Variants in ADAMTS9 observed in about 807,000 individuals in gnomAD.
ADAMTS9 encodes A disintegrin and metalloproteinase with thrombospondin motifs 9.
A neutral mutation model predicts 257.1 loss-of-function variants in ADAMTS9; 107 were observed. That is an observed-to-expected ratio of 0.42 (90% CI 0.36 to 0.49). The LOEUF (loss-of-function observed/expected upper bound fraction) is 0.49. Among genes scored for constraint, ADAMTS9 ranks in the 20% least tolerant of loss-of-function variants. The pLI is 0.03. For missense variants in ADAMTS9, 2,353 were observed against 2,469.1 expected, an observed-to-expected ratio of 0.95 and a Z score of 1.00; for synonymous variants, 982 against 880.9, an observed-to-expected ratio of 1.11 and a Z score of -2.03.
At chr3:64,571,620 A>G (rs1417308479) in intron 28 of ADAMTS9, among the ~76,000 whole-genome samples, 1 of 152,222 alleles carries the variant, frequency 6.6e-6, no homozygotes, top group African/African-American at 2.4e-5. Flanking sequence ...TGACTTGGAA[A>G]AAACAATGCA....
At chr3:64,682,072 T>C (rs1040727293) in intron 2 of ADAMTS9, among the ~76,000 whole-genome samples, 104 of 152,244 alleles carry the variant, frequency 6.8e-4, no homozygotes, top group African/African-American at 2.4e-3. Context: ...CATGATCCTC[T>C]CACCAACCCT....
chr3:64,522,323 C>CT (rs1168187923), intron 38 of ADAMTS9, 63 bp from the exon 39 acceptor site: 1 of 1,473,634 alleles, frequency 6.8e-7, no homozygotes, highest in Non-Finnish European at 9.5e-7. Flanking sequence ...CCTGCACTGG[C>CT]TTTTTGGGAA....
At chr3:64,615,232 T>G in intron 21 of ADAMTS9, 89 bp downstream of exon 21, 1 of 1,431,546 alleles carries the variant, frequency 7.0e-7, no homozygotes, top group Non-Finnish European at 9.5e-7. Context: ...GGGAGAAAGG[T>G]GCACAAGGGT....
intron 12 of ADAMTS9, 27 bp from the exon 13 acceptor site, chr3:64,633,906 C>T (rs1700432861): frequency 6.3e-7 from 1 of 1,583,206 alleles, no homozygotes; most frequent in Non-Finnish European, 8.6e-7. Context: ...GTGAAGAGCA[C>T]ACACACTGTA....
At position 64,643,445 on chromosome 3, in the gene ADAMTS9, A is replaced by ATTTTTTTTTTTTTTTTT. The variant is rs57471985; in HGVS notation, c.1711-1469_1711-1453dup. ...GTAGTCAACATAACATTACTCAATAATTTTTTTTTTTTTTTTTTTTTTTTT... is the reference window on the plus strand; with the variant it reads ...GTAGTCAACATAACATTACTCAATAATTTTTTTTTTTTTTTTTTTTTTTTTTTTTTTTTTTTTTTTTT... On this transcript the variant is annotated intron_variant, in intron 11 of 39. Transcript: ENST00000498707. 1.3e-3 allele frequency among the ~76,000 whole-genome samples: 78 copies of ATTTTTTTTTTTTTTTTT among 61,410 alleles called. 15 individuals carry two copies. Among genetic ancestry groups the ATTTTTTTTTTTTTTTTT allele is most frequent in the South Asian group, 2.1e-3 (3 of 1,452 alleles). The allele number at this position is 61,410 out of a possible 152,430, so 40.3% of individuals were successfully genotyped here.
chr3:64,653,703 T>A (rs555636609), intron 8 of ADAMTS9, among the ~76,000 whole-genome samples: 4 of 152,176 alleles, frequency 2.6e-5, no homozygotes, highest in African/African-American at 9.6e-5. Context: ...AGATCAAAAC[T>A]CAGAATAATT....
chr3:64,563,476 C>T (rs966294502), intron 29 of ADAMTS9, among the ~76,000 whole-genome samples: 2 of 140,574 alleles, frequency 1.4e-5, no homozygotes, highest in African/African-American at 4.9e-5. Flanking sequence ...GTTTTAATAA[C>T]CTAAAGAAAA....
chr3:64,640,456 T>C (rs1700609720), intron 12 of ADAMTS9, among the ~76,000 whole-genome samples: 1 of 152,200 alleles, frequency 6.6e-6, no homozygotes, highest in South Asian at 2.1e-4. Context: ...AACTATTGTA[T>C]TACCCCAGCC....
At chr3:64,628,173 T>A (rs7617452) in intron 16 of ADAMTS9, among the ~76,000 whole-genome samples, 24 of 152,072 alleles carry the variant, frequency 1.6e-4, no homozygotes, top group Non-Finnish European at 2.9e-5. Context: ...TCAGATTGCC[T>A]GTGCCAGATG....
chr3:64,685,279 CTTGGGAACT>C (rs1222865499), intron 2 of ADAMTS9: 1 of 152,366 alleles, frequency 6.6e-6, no homozygotes, highest in African/African-American at 2.4e-5. Context: ...GAAGGATGTG[CTTGGGAACT>C]TTAAGACCCA....
chr3:64,619,997 T>C (rs757264425), intron 19 of ADAMTS9, among the ~76,000 whole-genome samples: 5 of 152,022 alleles, frequency 3.3e-5, no homozygotes, highest in Non-Finnish European at 7.4e-5. Flanking sequence ...TATAAACGTC[T>C]GCCTTTTAAT....
Position 64,616,227 on chromosome 3 carries a change from T to A in ADAMTS9, c.2814-57A>T, listed in dbSNP as rs550845616. 1.0e-4 allele frequency: 162 copies of A among 1,552,650 alleles called. No homozygotes were observed. The African/African-American group carries it at 2.1e-3, about 20-fold the overall frequency. On this transcript the variant is annotated intron_variant, in intron 19 of 39. Coordinates refer to ENST00000498707, the MANE Select transcript of ADAMTS9 (RefSeq NM_182920.2). ...TTCTGTTAAAAATATATGCCTTATC[T>A]ATAGTCAACTGGTATTCATAGAAGA...
chr3:64,608,112 G>A (rs557915600), intron 22 of ADAMTS9, among the ~76,000 whole-genome samples: 1 of 151,388 alleles, frequency 6.6e-6, no homozygotes, highest in South Asian at 2.1e-4. Context: ...GAAAATTTGT[G>A]AGATGCAATG....
Position 64,561,696 on chromosome 3 carries a change from C to A in ADAMTS9, c.4580G>T (p.Gly1527Val), listed in dbSNP as rs766819593. ...GGTCTCTCTGGCTATTTTGTGTGTTCCGATCTGACAGCCCACATGCCTCTG... is the reference window on the plus strand; with the variant it reads ...GGTCTCTCTGGCTATTTTGTGTGTTACGATCTGACAGCCCACATGCCTCTG... ...VQQRHVGCQI[G>V]THKIARETEC... The change falls in exon 30 of 40, where the codon GGA becomes GTA. Residue 1527 changes from glycine to valine, a missense_variant. Gly to Val is a moderately radical substitution (Grantham distance 109). This residue lies in a region of ADAMTS9 where 1,402 missense variants were observed against 1,441.4 expected (regional missense o/e 0.97). Coordinates refer to ENST00000498707, the MANE Select transcript of ADAMTS9 (RefSeq NM_182920.2). 1 of 1,613,908 alleles carries A rather than the reference C, an allele frequency of 6.2e-7. No individual in the cohort carries two copies. Among genetic ancestry groups the A allele is most frequent in the African/African-American group, 1.3e-5 (1 of 74,956 alleles).
At chr3:64,614,517 A>G (rs1416281389) in intron 21 of ADAMTS9, among the ~76,000 whole-genome samples, 1 of 152,160 alleles carries the variant, frequency 6.6e-6, no homozygotes, top group Non-Finnish European at 1.5e-5. Context: ...TGTAGCAGGG[A>G]GACTTTTTCT....
intron 19 of ADAMTS9, among the ~76,000 whole-genome samples, chr3:64,619,506 C>T (rs1204348518): frequency 6.6e-6 from 1 of 152,114 alleles, no homozygotes; most frequent in Non-Finnish European, 1.5e-5. Flanking sequence ...TGTTTAACGA[C>T]TCTCAGCCTC....
intron 31 of ADAMTS9, 67 bp from the exon 32 acceptor site, chr3:64,547,019 G>T: frequency 7.2e-7 from 1 of 1,391,848 alleles, no homozygotes; most frequent in Non-Finnish European, 9.9e-7. Context: ...ATAGGCCCCT[G>T]ACCTCCACAC....
intron 8 of ADAMTS9, among the ~76,000 whole-genome samples, chr3:64,652,084 C>T (rs1022914467): frequency 2.0e-5 from 3 of 152,208 alleles, no homozygotes; most frequent in African/African-American, 7.2e-5. Context: ...GGGTGACAAC[C>T]TCAGAAGGGT....
chr3:64,680,132 C>T (rs1397303488), intron 3 of ADAMTS9, among the ~76,000 whole-genome samples: 5 of 151,982 alleles, frequency 3.3e-5, no homozygotes, highest in Non-Finnish European at 7.4e-5. Context: ...ATAATAATTC[C>T]AGGAGAGAAT....
Sources: gnomAD v4.1 joint callset for allele counts (sites outside exome capture counted in the v4.1 genomes callset) on GRCh38, gnomAD v4.1.1 for gene constraint, gnomAD v4.1.1 regional missense constraint, MANE v1.5 for transcripts, NCBI Gene and HGNC (gene_info 2026-07-23, HGNC 2026-07-21) for gene names.